The following DGKG variants were observed in gnomAD, a reference collection of about 807,000 sequenced individuals.
DGKG encodes the protein DAG kinase gamma.
DGKG carries 78 observed loss-of-function variants against 105.3 expected under a neutral mutation model. The observed-to-expected ratio is 0.74, with a 90% CI of 0.62 to 0.89. The LOEUF (loss-of-function observed/expected upper bound fraction) is 0.89, where lower values mean the gene tolerates loss of function less well. Ranked by LOEUF, DGKG falls within the 40% of genes least tolerant of loss-of-function variation. The pLI is 0.00. For synonymous variants in DGKG, 346 were observed against 367.1 expected (o/e 0.94, Z 0.66); for missense variants, 958 against 1,020.1 (o/e 0.94, Z 0.83).
At chr3:186,326,058 G>T (rs556575645) in intron 1 of DGKG, among the ~76,000 whole-genome samples, 2 of 152,096 alleles carry the variant, frequency 1.3e-5, no homozygotes, top group African/African-American at 4.8e-5. Context: ...TGCTGCTGGG[G>T]TGTCATTGCT....
chr3:186,282,066 C>T (rs7620762), intron 7 of DGKG, among the ~76,000 whole-genome samples: 2,171 of 152,276 alleles, frequency 0.014, 56 homozygotes, highest in African/African-American at 0.049. Context: ...GATGTGATAG[C>T]ACCTTCAAAT....
intron 9 of DGKG, chr3:186,279,330 G>A (rs906240250): frequency 6.6e-6 from 1 of 152,332 alleles, no homozygotes; most frequent in Non-Finnish European, 1.5e-5. Context: ...TGCTCCTTAG[G>A]GTCAGAACCT....
At chr3:186,359,642 T>G (rs1220603875) in intron 1 of DGKG, among the ~76,000 whole-genome samples, 1 of 152,048 alleles carries the variant, frequency 6.6e-6, no homozygotes, top group Non-Finnish European at 1.5e-5. Flanking sequence ...CTCCTGAGGA[T>G]TAAAGGATAT....
At chr3:186,322,594 A>G (rs1265245740) in intron 1 of DGKG, among the ~76,000 whole-genome samples, 1 of 152,018 alleles carries the variant, frequency 6.6e-6, no homozygotes, top group African/African-American at 2.4e-5. Context: ...TTAAAGAAAA[A>G]ATGGGCACTT....
At chr3:186,262,082 T>A (rs1721803633) in intron 14 of DGKG, 1 of 260,332 alleles carries the variant, frequency 3.8e-6, no homozygotes, top group East Asian at 1.2e-4. Context: ...AAGATGAAAT[T>A]TTGTGGGAGA....
chr3:186,261,884 G>A (rs934596939), intron 14 of DGKG, 106 bp from the exon 15 acceptor site: 8 of 691,832 alleles, frequency 1.2e-5, no homozygotes, highest in African/African-American at 9.1e-5. Context: ...AGAAGCAGGA[G>A]GGCAGGCAGT....
chr3:186,256,050 TG>T (rs1721453351), intron 17 of DGKG, among the ~76,000 whole-genome samples: 1 of 152,132 alleles, frequency 6.6e-6, no homozygotes, highest in South Asian at 2.1e-4. Context: ...TTCTCCCTCA[TG>T]GTGGAGAGGG....
intron 21 of DGKG, among the ~76,000 whole-genome samples, chr3:186,200,774 G>A (rs992006897): frequency 1.3e-5 from 2 of 152,242 alleles, no homozygotes; most frequent in African/African-American, 4.8e-5. Flanking sequence ...GGATGATGGA[G>A]TTCTGGCGGG....
At chr3:186,225,526 T>C (rs1222217603) in intron 20 of DGKG, among the ~76,000 whole-genome samples, 1 of 152,210 alleles carries the variant, frequency 6.6e-6, no homozygotes, top group Non-Finnish European at 1.5e-5. Context: ...GCTTGCATGG[T>C]GGTGTTTAAA....
At chr3:186,315,082 A>G (rs531841979) in intron 2 of DGKG, among the ~76,000 whole-genome samples, 1 of 152,276 alleles carries the variant, frequency 6.6e-6, no homozygotes, top group East Asian at 1.9e-4. Context: ...CAAGTATTGG[A>G]GGAGCTAATG....
chr3:186,158,922 A>C (rs1468443693), intron 24 of DGKG: 1 of 717,844 alleles, frequency 1.4e-6, no homozygotes, highest in Non-Finnish European at 1.7e-6. Flanking sequence ...GTTTGCCTAA[A>C]ATTAGCATAA....
intron 21 of DGKG, among the ~76,000 whole-genome samples, chr3:186,191,935 C>T (rs1454814511): frequency 6.6e-6 from 1 of 152,234 alleles, no homozygotes; most frequent in African/African-American, 2.4e-5. Context: ...CTTCTACCCT[C>T]CTATCCTTCA....
intron 3 of DGKG, among the ~76,000 whole-genome samples, chr3:186,301,662 T>C (rs1009520088): frequency 2.0e-5 from 3 of 152,230 alleles, no homozygotes; most frequent in Non-Finnish European, 2.9e-5. Flanking sequence ...TAATTGCCCA[T>C]GGAACTGAAT....
intron 1 of DGKG, among the ~76,000 whole-genome samples, chr3:186,340,163 C>T (rs944770499): frequency 3.3e-5 from 5 of 152,056 alleles, no homozygotes; most frequent in African/African-American, 1.2e-4. Flanking sequence ...GAAAAATCTT[C>T]GAGGAAGAGG....
At chr3:186,268,009 T>C (rs919260768) in intron 12 of DGKG, among the ~76,000 whole-genome samples, 1 of 152,120 alleles carries the variant, frequency 6.6e-6, no homozygotes, top group African/African-American at 2.4e-5. Context: ...TCATGGCTAC[T>C]GAAGCGACAC....
Position 186,273,367 on chromosome 3 carries a change from C to CCTTTTTTTTTTTTTTTTTTTTTTTTT in DGKG, c.911-1025_911-1024insAAAAAAAAAAAAAAAAAAAAAAAAAG, listed in dbSNP as rs1553811123. On this transcript the variant is annotated intron_variant, in intron 10 of 24. Transcript: ENST00000265022. Reference sequence around the variant, plus strand: ...TGGCGCTGGGGAGACTGTTGTACCCCTTTTTTTTTTTTTTTTTTTTTTTTT... The same window carrying CCTTTTTTTTTTTTTTTTTTTTTTTTT: ...TGGCGCTGGGGAGACTGTTGTACCCCCTTTTTTTTTTTTTTTTTTTTTTTTTTTTTTTTTTTTTTTTTTTTTTTTTT... 9.3e-5 allele frequency among the ~76,000 whole-genome samples: 8 copies of CCTTTTTTTTTTTTTTTTTTTTTTTTT among 85,598 alleles called. 4 individuals carry two copies. The highest frequency in any genetic ancestry group is 3.0e-4 in the Admixed American group (2 of 6,778). 56.2% of individuals were successfully genotyped at this position (85,598 alleles called of 152,430 possible). A position where few individuals can be genotyped will look rare whatever the true frequency, so the allele number is the denominator to read the frequency against.
chr3:186,177,052 T>C (rs1485271592), intron 22 of DGKG, among the ~76,000 whole-genome samples: 2 of 152,218 alleles, frequency 1.3e-5, no homozygotes, highest in East Asian at 3.9e-4. Context: ...CTGTTGGCTT[T>C]GTCCATTCTT....
At chr3:186,233,119 A>G (rs755215601) in intron 20 of DGKG, among the ~76,000 whole-genome samples, 1 of 152,188 alleles carries the variant, frequency 6.6e-6, no homozygotes, top group African/African-American at 2.4e-5. Flanking sequence ...CGAAGGGGGA[A>G]TTAAGGTTGC....
In DGKG at chr3:186,203,891, G is replaced by A. The variant is rs554798519; in HGVS notation, c.1917+7904C>T. On this transcript the variant is annotated intron_variant, in intron 21 of 24. Transcript: ENST00000265022. This position sits in a 1 kb window ranked among gnomAD's most constrained non-coding sequence, Gnocchi z 4.9. ...TACTCCAGGGAAAGGCTCTACCTGT[G>A]GTAGCTGAGAAGAAGGTTCAGATCA... is the stretch of plus-strand genomic sequence containing the variant. Among the ~76,000 whole-genome samples, 1 of 152,304 alleles carries A rather than the reference G, an allele frequency of 6.6e-6. No homozygotes were observed. The highest frequency in any genetic ancestry group is 1.5e-5 in the Non-Finnish European group (1 of 68,036).
Sources: allele counts gnomAD v4.1 joint callset (sites outside exome capture counted in the v4.1 genomes callset), GRCh38; gene constraint gnomAD v4.1.1; non-coding constraint Gnocchi (gnomAD v3.1); transcripts MANE v1.5; gene names NCBI Gene and HGNC (gene_info 2026-07-23, HGNC 2026-07-21).